Variants in PGAP1 observed in about 807,000 individuals in gnomAD.
The protein encoded by PGAP1 is post-GPI attachment to proteins inositol deacylase 1, also known as GPI inositol-deacylase.
In PGAP1, 76 loss-of-function variants were observed where a neutral mutation model predicts 127.0. The observed-to-expected ratio is 0.60, with a 90% CI of 0.50 to 0.72. The LOEUF is 0.72. PGAP1 is among the 30% of genes least tolerant of loss of function. The pLI is 0.00. For missense variants in PGAP1, 982 were observed against 1,071.3 expected, an observed-to-expected ratio of 0.92 and a Z score of 1.16; for synonymous variants, 362 against 366.5, an observed-to-expected ratio of 0.99 and a Z score of 0.14.
chr2:196,905,567 A>G (rs1181948515), intron 4 of PGAP1, among the ~76,000 whole-genome samples: 1 of 152,228 alleles, frequency 6.6e-6, no homozygotes, highest in East Asian at 1.9e-4. Context: ...CAAAATTTTC[A>G]TCAAAATTAA....
intron 9 of PGAP1, among the ~76,000 whole-genome samples, chr2:196,891,265 G>T (rs983809801): frequency 6.6e-6 from 1 of 152,140 alleles, no homozygotes. Context: ...TCTAGTACCA[G>T]ATTATGGTTT....
intron 6 of PGAP1, among the ~76,000 whole-genome samples, chr2:196,897,722 C>G (rs1702333046): frequency 1.3e-5 from 2 of 152,156 alleles, no homozygotes; most frequent in South Asian, 4.1e-4. Flanking sequence ...GCAGTTGATT[C>G]CACCCAACTA....
chr2:196,858,659 A>C (rs1280311347), intron 20 of PGAP1, among the ~76,000 whole-genome samples: 1 of 152,120 alleles, frequency 6.6e-6, no homozygotes, highest in Non-Finnish European at 1.5e-5. Context: ...AAATTAGTAG[A>C]AGGAATAAAA....
Position 196,892,327 on chromosome 2 carries a change from C to T in PGAP1, c.1089+19G>A. 1 of 1,274,010 alleles carries T rather than the reference C, an allele frequency of 7.8e-7. No homozygotes were observed. Among genetic ancestry groups the T allele is most frequent in the Non-Finnish European group, 1.1e-6 (1 of 907,548 alleles). The allele number at this position is 1,274,010 out of a possible 1,614,324, so 78.9% of individuals were successfully genotyped here. On this transcript the variant is annotated intron_variant, in intron 9 of 26. Coordinates refer to ENST00000354764, the MANE Select transcript of PGAP1 (RefSeq NM_024989.4). ...TTCTGGAAAAAACATGAAAAAAAATCCATTGGTGGAATACTTACGTTGTAA... is the reference window on the plus strand; with the variant it reads ...TTCTGGAAAAAACATGAAAAAAAATTCATTGGTGGAATACTTACGTTGTAA...
intron 19 of PGAP1, 21 bp from the exon 20 acceptor site, chr2:196,865,101 T>G (rs760179178): frequency 4.3e-5 from 58 of 1,334,954 alleles, no homozygotes; most frequent in Non-Finnish European, 6.0e-5. Flanking sequence ...GGTAAGTCAA[T>G]GGGCAACTCC....
At chr2:196,893,500 T>G (rs966621544) in intron 7 of PGAP1, among the ~76,000 whole-genome samples, 3 of 152,236 alleles carry the variant, frequency 2.0e-5, no homozygotes, top group Admixed American at 2.0e-4. Context: ...CTCTTAAGTC[T>G]GGGCTGGGAT....
chr2:196,899,446 T>C (rs1299842044), intron 5 of PGAP1, among the ~76,000 whole-genome samples: 4 of 152,190 alleles, frequency 2.6e-5, no homozygotes, highest in Non-Finnish European at 5.9e-5. Context: ...CTGCTGATAG[T>C]TTACTAAAAA....
chr2:196,912,810 A>C, intron 4 of PGAP1, 72 bp downstream of exon 4: 1 of 1,382,802 alleles, frequency 7.2e-7, no homozygotes, highest in Non-Finnish European at 9.8e-7. Context: ...TCCTAGGGGA[A>C]TAGCCACAGA....
chr2:196,858,229 G>T (rs1265275754), intron 20 of PGAP1, among the ~76,000 whole-genome samples: 1 of 150,842 alleles, frequency 6.6e-6, no homozygotes, highest in Non-Finnish European at 1.5e-5. Context: ...GTGAAACCCT[G>T]TCTCTACTAA....
intron 20 of PGAP1, among the ~76,000 whole-genome samples, chr2:196,850,597 GC>G (rs1700690046): frequency 6.6e-6 from 1 of 152,058 alleles, no homozygotes; most frequent in Non-Finnish European, 1.5e-5. Context: ...GTCTTGTTTA[GC>G]CACATGTAGG....
rs956934077 is a variant in PGAP1 at position 196,836,471 on chromosome 2, C to T, written c.*4763G>A. 3.9e-5 allele frequency: 6 copies of T among 152,070 alleles called. No individual in the cohort carries two copies. Among genetic ancestry groups the T allele is most frequent in the Admixed American group, 2.6e-4 (4 of 15,270 alleles). 9.4% of individuals were successfully genotyped at this position (152,070 alleles called of 1,614,324 possible). On this transcript the variant is annotated 3_prime_UTR_variant, in exon 27 of 27. Coordinates refer to ENST00000354764, the MANE Select transcript of PGAP1 (RefSeq NM_024989.4). ...CATATAAGTTCTTCTGTACTCAATA[C>T]AATTTATCAAAAAATGTGACTTCTT...
chr2:196,887,627 T>C (rs1005874018), intron 10 of PGAP1, among the ~76,000 whole-genome samples: 3 of 152,158 alleles, frequency 2.0e-5, no homozygotes, highest in Non-Finnish European at 2.9e-5. Context: ...ACTTATAAAG[T>C]CCATTCTATG....
intron 24 of PGAP1, 108 bp downstream of exon 24, chr2:196,844,416 C>A: frequency 1.5e-6 from 1 of 681,896 alleles, no homozygotes; most frequent in Non-Finnish European, 2.4e-6. Context: ...ATTCATAATA[C>A]TGTATCTTTT....
intron 20 of PGAP1, among the ~76,000 whole-genome samples, chr2:196,860,416 C>G (rs1476056815): frequency 6.6e-6 from 1 of 152,092 alleles, no homozygotes; most frequent in African/African-American, 2.4e-5. Context: ...CGGCTGTAAT[C>G]CCAGCTATTC....
At chr2:196,886,727 C>T (rs946068753) in intron 10 of PGAP1, among the ~76,000 whole-genome samples, 3 of 151,862 alleles carry the variant, frequency 2.0e-5, no homozygotes, top group African/African-American at 7.2e-5. Flanking sequence ...GAGACAGAGT[C>T]TTGCTCTGTC....
chr2:196,882,129 C>G (rs62185648), intron 12 of PGAP1, among the ~76,000 whole-genome samples: 1,548 of 152,164 alleles, frequency 0.01, 24 homozygotes, highest in African/African-American at 0.035. Flanking sequence ...TGCTTGTTTT[C>G]GTCAAGTTTG....
chr2:196,837,999 A>G lies in PGAP1; in HGVS notation c.*3235T>C, dbSNP rs1412245680. Reference sequence around the variant, plus strand: ...TTCATTCTGGTGATAACCAAGAGAAAAAAAAGAGTTAGCAGAACCTGTTTA... The same window carrying G: ...TTCATTCTGGTGATAACCAAGAGAAGAAAAAGAGTTAGCAGAACCTGTTTA... On this transcript the variant is annotated 3_prime_UTR_variant, in exon 27 of 27. Coordinates refer to ENST00000354764, the MANE Select transcript of PGAP1 (RefSeq NM_024989.4). 6.6e-6 allele frequency: 1 copy of G among 152,248 alleles called. No individual in the cohort carries two copies. The highest frequency in any genetic ancestry group is 1.9e-4 in the East Asian group (1 of 5,198). 9.4% of individuals were successfully genotyped at this position (152,248 alleles called of 1,614,324 possible).
chr2:196,841,749 C>A (rs1366404625), intron 26 of PGAP1, among the ~76,000 whole-genome samples: 2 of 152,160 alleles, frequency 1.3e-5, no homozygotes, highest in Non-Finnish European at 2.9e-5. Context: ...GATCTCCTGA[C>A]CTCGTGATCC....
intron 11 of PGAP1, 96 bp from the exon 12 acceptor site, chr2:196,885,571 A>T: frequency 2.3e-6 from 2 of 872,492 alleles, no homozygotes; most frequent in South Asian, 3.4e-5. Flanking sequence ...CCATCTCTAC[A>T]CCTAGTAGAG....
Sources: gnomAD v4.1 joint callset for allele counts (sites outside exome capture counted in the v4.1 genomes callset) on GRCh38, gnomAD v4.1.1 for gene constraint, MANE v1.5 for transcripts, NCBI Gene and HGNC (gene_info 2026-07-23, HGNC 2026-07-21) for gene names.